Variants in TTBK2 observed in about 807,000 individuals in gnomAD.
TTBK2 encodes the protein tau-tubulin kinase 2.
Under a neutral mutation model 110.8 loss-of-function variants are expected in TTBK2, and 28 were observed. The ratio of observed to expected loss-of-function variants is 0.25; its 90% CI spans 0.19 to 0.35. The LOEUF (loss-of-function observed/expected upper bound fraction) is 0.35. TTBK2 is among the 10% of genes least tolerant of loss of function. The probability of loss-of-function intolerance (pLI) is 1.00; values close to 1 mark genes in which losing one functional copy is unlikely to be tolerated. For synonymous variants in TTBK2, 532 were observed against 527.3 expected, an observed-to-expected ratio of 1.01 and a Z score of -0.12; for missense variants, 1,369 against 1,500.3, an observed-to-expected ratio of 0.91 and a Z score of 1.45.
chr15:42,800,351 C>A, intron 9 of TTBK2: 1 of 415,440 alleles, frequency 2.4e-6, no homozygotes, highest in Non-Finnish European at 4.7e-6. Context: ...TTATGGCAAT[C>A]AGTCATCTGA....
At chr15:42,770,040 G>C (rs1889594298) in intron 13 of TTBK2, among the ~76,000 whole-genome samples, 1 of 151,188 alleles carries the variant, frequency 6.6e-6, no homozygotes, top group African/African-American at 2.4e-5. Context: ...CTCATAGGTG[G>C]GAATTGAACA....
intron 13 of TTBK2, among the ~76,000 whole-genome samples, chr15:42,768,120 A>G (rs1050246458): frequency 6.6e-5 from 10 of 152,236 alleles, no homozygotes; most frequent in African/African-American, 2.2e-4. Context: ...TCTCAAAATA[A>G]TAAGAGTTAT....
At chr15:42,780,016 C>T (rs1223000167) in intron 11 of TTBK2, among the ~76,000 whole-genome samples, 1 of 150,762 alleles carries the variant, frequency 6.6e-6, no homozygotes. Context: ...TAATTCAAGT[C>T]ATTCTTCTTT....
rs972461247 is a variant in TTBK2, at chr15:42,738,964, CAG to C, written c.*6829_*6830del. 2 of 152,038 alleles carry C rather than the reference CAG, an allele frequency of 1.3e-5. No homozygotes were observed. Among genetic ancestry groups the C allele is most frequent in the African/African-American group, 4.8e-5 (2 of 41,376 alleles). 9.4% of individuals were successfully genotyped at this position (152,038 alleles called of 1,614,324 possible). On this transcript the variant is annotated 3_prime_UTR_variant, in exon 15 of 15. Transcript: ENST00000267890. ...TTTGAAATCCAGACCATCACACAAACAGAACTAGATTTTGCATGCGGAATGAA... is the reference window on the plus strand; with the variant it reads ...TTTGAAATCCAGACCATCACACAAACAACTAGATTTTGCATGCGGAATGAA...
chr15:42,768,216 C>CCT (rs1418724399), intron 13 of TTBK2, among the ~76,000 whole-genome samples: 1 of 152,206 alleles, frequency 6.6e-6, no homozygotes, highest in Admixed American at 6.5e-5. Context: ...ACAGGGATGT[C>CCT]CTCTCTCACC....
intron 1 of TTBK2, among the ~76,000 whole-genome samples, chr15:42,902,702 A>G (rs920477157): frequency 7.2e-5 from 11 of 151,848 alleles, no homozygotes; most frequent in African/African-American, 2.7e-4. Context: ...TCCTCAAATA[A>G]TCAAACAGGG....
intron 11 of TTBK2, among the ~76,000 whole-genome samples, chr15:42,779,965 C>T (rs566136299): frequency 5.9e-5 from 9 of 151,494 alleles, no homozygotes; most frequent in East Asian, 5.8e-4. Context: ...GGTGACAGAG[C>T]GAGACTCTGT....
At chr15:42,895,890 A>C (rs189433446) in intron 1 of TTBK2, among the ~76,000 whole-genome samples, 7 of 152,090 alleles carry the variant, frequency 4.6e-5, no homozygotes, top group African/African-American at 1.7e-4. Flanking sequence ...CACCATCCCA[A>C]AACAAAACCC....
At chr15:42,764,102 T>G (rs950183474) in intron 13 of TTBK2, among the ~76,000 whole-genome samples, 3 of 152,196 alleles carry the variant, frequency 2.0e-5, no homozygotes, top group Admixed American at 1.3e-4. Flanking sequence ...TTCTAGCCCC[T>G]TCATGCAGTA....
chr15:42,874,842 C>T (rs974742752), intron 2 of TTBK2, among the ~76,000 whole-genome samples: 14 of 151,402 alleles, frequency 9.2e-5, no homozygotes, highest in African/African-American at 2.7e-4. Context: ...AAAAATTAGC[C>T]GGGCGTGGTG....
At chr15:42,873,008 A>G (rs1894674334) in intron 2 of TTBK2, among the ~76,000 whole-genome samples, 1 of 152,228 alleles carries the variant, frequency 6.6e-6, no homozygotes, top group Non-Finnish European at 1.5e-5. Flanking sequence ...CAATTTTAAA[A>G]TTTGGTCAAC....
chr15:42,840,686 T>C (rs1893185556), intron 3 of TTBK2: 3 of 543,090 alleles, frequency 5.5e-6, no homozygotes, highest in Non-Finnish European at 1.0e-5. Flanking sequence ...AGGAAACAAA[T>C]GTATGGTAAC....
intron 5 of TTBK2, among the ~76,000 whole-genome samples, chr15:42,828,657 A>C (rs986209924): frequency 6.6e-6 from 1 of 150,628 alleles, no homozygotes; most frequent in African/African-American, 2.4e-5. Context: ...CAGGAGGCGG[A>C]GATTACAGTG....
chr15:42,810,472 A>AC, intron 9 of TTBK2, 142 bp downstream of exon 9: 1 of 1,031,868 alleles, frequency 9.7e-7, no homozygotes. Flanking sequence ...AGTTAATTTC[A>AC]CCATGTTTCT....
At chr15:42,830,412 T>C (rs1047153175) in intron 4 of TTBK2, among the ~76,000 whole-genome samples, 4 of 152,056 alleles carry the variant, frequency 2.6e-5, no homozygotes, top group African/African-American at 9.7e-5. Context: ...GGTCTCGAAC[T>C]CCTGACCTCA....
chr15:42,889,015 C>T (rs1895353079), intron 1 of TTBK2, among the ~76,000 whole-genome samples: 1 of 152,124 alleles, frequency 6.6e-6, no homozygotes, highest in South Asian at 2.1e-4. Context: ...CCTCACAGGC[C>T]CATTCTATTC....
intron 1 of TTBK2, among the ~76,000 whole-genome samples, chr15:42,879,996 C>CAAAAA (rs71108186): frequency 2.6e-4 from 19 of 74,110 alleles, no homozygotes; most frequent in East Asian, 7.2e-4. Context: ...GATCCTGTCT[C>CAAAAA]AAAAAAAAAA....
At chr15:42,905,826 C>T (rs184287072) in intron 1 of TTBK2, among the ~76,000 whole-genome samples, 1 of 152,258 alleles carries the variant, frequency 6.6e-6, no homozygotes, top group African/African-American at 2.4e-5. Flanking sequence ...ATGACAATCA[C>T]TAAGCATTAA....
chr15:42,802,091 T>A (rs1429968645), intron 9 of TTBK2: 1 of 1,458,706 alleles, frequency 6.9e-7, no homozygotes, highest in East Asian at 2.3e-5. Context: ...AACCGTACCT[T>A]GTCTATGAAG....
Sources: gnomAD v4.1 joint callset for allele counts (sites outside exome capture counted in the v4.1 genomes callset) on GRCh38, gnomAD v4.1.1 for gene constraint, MANE v1.5 for transcripts, NCBI Gene and HGNC (gene_info 2026-07-23, HGNC 2026-07-21) for gene names.